ABR: variants seen among roughly 807,000 people sequenced by gnomAD.
ABR encodes active breakpoint cluster region-related protein.
Under a neutral mutation model 107.2 loss-of-function variants are expected in ABR, and 35 were observed. The observed-to-expected ratio is 0.33, with a 90% CI of 0.25 to 0.43. The LOEUF (loss-of-function observed/expected upper bound fraction) is 0.43, where lower values mean the gene tolerates loss of function less well. ABR is among the 20% of genes least tolerant of loss of function. The pLI, the probability that ABR is intolerant of heterozygous loss-of-function variation, is 1.00. For missense variants in ABR, 815 were observed against 1,115.2 expected, an observed-to-expected ratio of 0.73 and a Z score of 3.83; for synonymous variants, 498 against 462.0, an observed-to-expected ratio of 1.08 and a Z score of -1.00.
intron 16 of ABR, among the ~76,000 whole-genome samples, chr17:1,026,181 A>G (rs932362942): frequency 1.3e-5 from 2 of 152,242 alleles, no homozygotes; most frequent in African/African-American, 4.8e-5. Context: ...CTGATACCAG[A>G]GAACCAGAGA....
chr17:1,056,091 A>T lies in ABR; in HGVS notation c.1505T>A (p.Leu502His). ...SNKDDDESPG[L>H]YGFLHVIVHS... ...GACGATGACATGAAGGAAGCCATAG[A>T]GTCCTGGAGACTCATCGTCTGCAAG... The change falls in exon 14 of 23, where the codon CTC (leucine) becomes CAC (histidine). Residue 502 changes from leucine (L) to histidine (H), a missense_variant. Transcript: ENST00000302538. 6.2e-7 allele frequency: 1 copy of T among 1,614,190 alleles called. No homozygotes were observed. The highest frequency in any genetic ancestry group is 8.5e-7 in the Non-Finnish European group (1 of 1,180,014).
rs979541502 is a variant in ABR at position 1,004,727 on chromosome 17, C to A, written c.*1353G>T. On this transcript the variant is annotated 3_prime_UTR_variant, in exon 23 of 23. Transcript: ENST00000302538. Reference sequence around the variant, plus strand: ...ACAAGGAGGCCCCAGCAGAACCCAGCCCCTAGAGGCGGCTGTCTGATTCCC... The same window carrying A: ...ACAAGGAGGCCCCAGCAGAACCCAGACCCTAGAGGCGGCTGTCTGATTCCC... 23 of 273,526 alleles carry A rather than the reference C, an allele frequency of 8.4e-5. No individual in the cohort carries two copies. The Admixed American group carries it at 1.2e-3, about 15-fold the overall frequency. The allele number at this position is 273,526 out of a possible 1,614,324, so 16.9% of individuals were successfully genotyped here. A position where few individuals can be genotyped will look rare whatever the true frequency, so the allele number is the denominator to read the frequency against.
At chr17:1,009,435 G>A (rs929905439) in intron 21 of ABR, among the ~76,000 whole-genome samples, 3 of 152,114 alleles carry the variant, frequency 2.0e-5, no homozygotes, top group Admixed American at 1.3e-4. Flanking sequence ...TACTGGTTAC[G>A]GGACCCAAAT....
chr17:1,199,217 G>A lies in ABR; in HGVS notation c.838+29576C>T, dbSNP rs2150713584. ...AACAAAACCTCTCTCTGGCTCTGCAGGTGCCAGGGAAGACTGGGGGAAACA... is the reference window on the plus strand; with the variant it reads ...AACAAAACCTCTCTCTGGCTCTGCAAGTGCCAGGGAAGACTGGGGGAAACA... On this transcript the variant is annotated intron_variant, in intron 1 of 22. Transcript: ENST00000574139. 2.0e-5 allele frequency among the ~76,000 whole-genome samples: 3 copies of A among 151,098 alleles called. 1 individual carries two copies. In the South Asian group the frequency reaches 6.2e-4, roughly 31 times the overall value.
intron 1 of ABR, among the ~76,000 whole-genome samples, chr17:1,196,540 C>A (rs1258326764): frequency 6.6e-6 from 1 of 151,116 alleles, no homozygotes. Context: ...GCCTCACCCA[C>A]CCCCTCCCTA....
chr17:1,060,959 T>C (rs2033855601), intron 10 of ABR, among the ~76,000 whole-genome samples: 1 of 152,052 alleles, frequency 6.6e-6, no homozygotes, highest in South Asian at 2.1e-4. Context: ...GCCACTGCAC[T>C]CCAGCCTGGG....
rs3744750 is a variant in ABR at position 1,004,075 on chromosome 17, C to T, written c.*2005G>A. On this transcript the variant is annotated 3_prime_UTR_variant, in exon 23 of 23. Coordinates refer to ENST00000302538, the MANE Select transcript of ABR (RefSeq NM_021962.5). ...TGTGGGGCTCCCTGAGGCTGAGACG[C>T]GAAGGTGCCCAGTCTGGGCCGTGAC... 108,835 of 152,142 alleles carry T rather than the reference C, an allele frequency of 0.72. 39,386 individuals are homozygous for T. The highest frequency in any genetic ancestry group is 0.8 in the Middle Eastern group (234 of 294). 9.4% of individuals were successfully genotyped at this position (152,142 alleles called of 1,614,324 possible).
intron 1 of ABR, among the ~76,000 whole-genome samples, chr17:1,163,347 A>G (rs566357890): frequency 3.3e-5 from 5 of 152,334 alleles, no homozygotes; most frequent in African/African-American, 9.6e-5. Context: ...TTCTGTGACA[A>G]TTCCATAGAA....
rs1210100354 is a variant in ABR, at chr17:1,071,031, C to T, written c.895-941G>A. Among the ~76,000 whole-genome samples, 4 of 152,064 alleles carry T rather than the reference C, an allele frequency of 2.6e-5. No homozygotes were observed. Among genetic ancestry groups the T allele is most frequent in the East Asian group, 1.9e-4 (1 of 5,184 alleles). On this transcript the variant is annotated intron_variant, in intron 8 of 22. Coordinates refer to ENST00000302538, the MANE Select transcript of ABR (RefSeq NM_021962.5). The surrounding 1 kb of genome is among the most constrained non-coding windows in gnomAD (Gnocchi z 5.1). The stretch of plus-strand genomic sequence containing the variant: ...TACAAAAACTAGCCAGACATGGTGA[C>T]GCCTGCCTGTAATCTCAGCTACTTG...
At chr17:1,064,615 C>G (rs1268402285) in intron 10 of ABR, among the ~76,000 whole-genome samples, 1 of 120,232 alleles carries the variant, frequency 8.3e-6, no homozygotes, top group African/African-American at 3.2e-5. Context: ...GTATGTTCCT[C>G]TAGACACTGT....
chr17:1,083,689 G>T (rs2036412595), intron 4 of ABR, 62 bp from the exon 5 acceptor site: 2 of 1,354,416 alleles, frequency 1.5e-6, no homozygotes, highest in African/African-American at 2.9e-5. Context: ...ATTAATGAAT[G>T]GATGAAAGCT....
chr17:1,203,792 G>A (rs1244235974), intron 1 of ABR, among the ~76,000 whole-genome samples: 1 of 152,092 alleles, frequency 6.6e-6, no homozygotes, highest in Non-Finnish European at 1.5e-5. Context: ...AAGGGGGCTC[G>A]GGCGCTCTCT....
Position 1,009,835 on chromosome 17 carries a change from A to AGG in ABR, c.2237-53_2237-52dup, listed in dbSNP as rs751735266. 10 of 1,524,206 alleles carry AGG rather than the reference A, an allele frequency of 6.6e-6. No individual in the cohort carries two copies. The South Asian group carries it at 1.1e-4, about 17-fold the overall frequency. 94.4% of individuals were successfully genotyped at this position (1,524,206 alleles called of 1,614,324 possible). On this transcript the variant is annotated intron_variant, in intron 20 of 22. Transcript: ENST00000302538. ...CGTTTGGCTCCTGGGGCTCCCCGCC[A>AGG]GGGCCCCTGTGGTCGTGAGGCTGTG...
In ABR at chr17:1,101,029, G is replaced by A. The variant is rs868319704; in HGVS notation, c.247-294C>T. 11 of 417,964 alleles carry A rather than the reference G, an allele frequency of 2.6e-5. No individual in the cohort carries two copies. The Middle Eastern group carries it at 2.9e-3, about 108-fold the overall frequency. The allele number at this position is 417,964 out of a possible 1,614,324, so 25.9% of individuals were successfully genotyped here. ...AGTAGAGATGGGGTTTCACCATGTT[G>A]GCCAGGCTGATATAGAACTCCTGAC... On this transcript the variant is annotated intron_variant, in intron 2 of 22. Coordinates refer to ENST00000302538, the MANE Select transcript of ABR (RefSeq NM_021962.5).
chr17:1,088,524 G>A (rs1356501478), intron 4 of ABR, among the ~76,000 whole-genome samples: 2 of 151,254 alleles, frequency 1.3e-5, no homozygotes, highest in African/African-American at 4.9e-5. Context: ...CAGTTATTGA[G>A]TACTTATTAA....
At chr17:1,096,976 A>G (rs935509346) in intron 3 of ABR, among the ~76,000 whole-genome samples, 1 of 150,136 alleles carries the variant, frequency 6.7e-6, no homozygotes, top group African/African-American at 2.5e-5. Context: ...GAAGGGGGGA[A>G]CCTGCCCCGG....
In ABR at chr17:1,024,024, C is replaced by CAAAAAAAAAAAAAAAAAAA. The variant is rs11334940; in HGVS notation, c.1792-10879_1792-10861dup. Among the ~76,000 whole-genome samples the CAAAAAAAAAAAAAAAAAAA allele has an allele frequency of 1.2e-3, 58 of 47,680 alleles. 2 individuals carry two copies. Among genetic ancestry groups the CAAAAAAAAAAAAAAAAAAA allele is most frequent in the Non-Finnish European group, 1.4e-3 (36 of 25,770 alleles). 31.3% of individuals were successfully genotyped at this position (47,680 alleles called of 152,430 possible). On this transcript the variant is annotated intron_variant, in intron 16 of 22. Transcript: ENST00000302538. ...TGGGCGACAGAGCGAGACTCCATCT[C>CAAAAAAAAAAAAAAAAAAA]AAAAAAAAAAAAAAAAAAAAAAAAA...
intron 5 of ABR, among the ~76,000 whole-genome samples, chr17:1,082,027 G>A (rs1050529335): frequency 6.6e-6 from 1 of 152,030 alleles, no homozygotes; most frequent in East Asian, 1.9e-4. Context: ...GCCTCTCGGT[G>A]GATTCTAAAC....
intron 16 of ABR, among the ~76,000 whole-genome samples, chr17:1,040,353 T>C (rs116911572): frequency 0.011 from 1,703 of 152,278 alleles, 17 homozygotes; most frequent in Middle Eastern, 0.027. Context: ...TCCAGAGTAA[T>C]TGAAACCAGA....
Sources: allele counts gnomAD v4.1 joint callset (sites outside exome capture counted in the v4.1 genomes callset), GRCh38; gene constraint gnomAD v4.1.1; non-coding constraint Gnocchi (gnomAD v3.1); transcripts MANE v1.5; gene names NCBI Gene and HGNC (gene_info 2026-07-23, HGNC 2026-07-21).